Variants in CSRNP3 observed in about 807,000 individuals in gnomAD.
CSRNP3 encodes cysteine/serine-rich nuclear protein 3.
In CSRNP3, 12 loss-of-function variants were observed where a neutral mutation model predicts 48.0. That is an observed-to-expected ratio of 0.25 (90% confidence interval 0.16 to 0.41). The LOEUF is 0.41. CSRNP3 is among the 10% of genes least tolerant of loss of function. The pLI is 1.00. For synonymous variants in CSRNP3, 263 were observed against 269.7 expected (o/e 0.98, Z 0.24); for missense variants, 580 against 724.4 (o/e 0.80, Z 2.29).
In CSRNP3 at chr2:165,680,223, T is replaced by C. The variant is rs1363848819; in HGVS notation, c.*470T>C. ...TTAATTGTTCCATGTGTATTTTATT[T>C]ATGGTAGTTTAGAAGACATGTTTTG... On this transcript the variant is annotated 3_prime_UTR_variant, in exon 7 of 7. Coordinates refer to ENST00000651982, the MANE Select transcript of CSRNP3 (RefSeq NM_001172173.2). 2 of 155,218 alleles carry C rather than the reference T, an allele frequency of 1.3e-5. No individual in the cohort carries two copies. Among genetic ancestry groups the C allele is most frequent in the African/African-American group, 4.8e-5 (2 of 41,476 alleles). 9.6% of individuals were successfully genotyped at this position (155,218 alleles called of 1,614,324 possible).
chr2:165,570,940 A>G (rs1002696791), intron 3 of CSRNP3, among the ~76,000 whole-genome samples: 1 of 151,972 alleles, frequency 6.6e-6, no homozygotes, highest in Admixed American at 6.6e-5. Context: ...TACAAATAAT[A>G]TCATAAAGAA....
chr2:165,587,890 C>T (rs563833135), intron 3 of CSRNP3, among the ~76,000 whole-genome samples: 5 of 152,180 alleles, frequency 3.3e-5, no homozygotes, highest in East Asian at 3.9e-4. Context: ...CTTCATGGAG[C>T]TTTCAGTCTA....
chr2:165,679,820 G>A lies in CSRNP3; in HGVS notation c.*67G>A. Reference sequence around the variant, plus strand: ...GCACTGTATTTAATTGGATTTCCTGGGCTCATCATTGTTTAAACTGAAGAC... The same window carrying A: ...GCACTGTATTTAATTGGATTTCCTGAGCTCATCATTGTTTAAACTGAAGAC... On this transcript the variant is annotated 3_prime_UTR_variant, in exon 7 of 7. Coordinates refer to ENST00000651982, the MANE Select transcript of CSRNP3 (RefSeq NM_001172173.2). 1 of 1,533,714 alleles carries A rather than the reference G, an allele frequency of 6.5e-7. No individual in the cohort carries two copies.
At chr2:165,578,485 A>C (rs1406577894) in intron 3 of CSRNP3, among the ~76,000 whole-genome samples, 3 of 152,088 alleles carry the variant, frequency 2.0e-5, no homozygotes. Flanking sequence ...GTTCTCATAT[A>C]CTGTGAAGAA....
intron 3 of CSRNP3, among the ~76,000 whole-genome samples, chr2:165,525,329 G>T (rs1684717547): frequency 6.6e-6 from 1 of 152,108 alleles, no homozygotes. Context: ...GTAGGAAATA[G>T]GTGATTTGCA....
rs115667194 is a variant in CSRNP3, at chr2:165,470,956, T to C, written c.-283+1216T>C. On this transcript the variant is annotated intron_variant, in intron 1 of 6. Coordinates refer to ENST00000651982, the MANE Select transcript of CSRNP3 (RefSeq NM_001172173.2). ...GGAATGACTATATAATTTCTAAATA[T>C]TTTTTGCTATTGTTTTTCTTTTTGT... Among the ~76,000 whole-genome samples, 8 of 151,998 alleles carry C rather than the reference T, an allele frequency of 5.3e-5. No individual in the cohort carries two copies. The South Asian group carries it at 1.7e-3, about 31-fold the overall frequency.
intron 5 of CSRNP3, among the ~76,000 whole-genome samples, chr2:165,666,387 GAGAGAA>G (rs1687202974): frequency 8.4e-6 from 1 of 119,398 alleles, no homozygotes; most frequent in Non-Finnish European, 1.9e-5. Flanking sequence ...GAAAGAGAGA[GAGAGAA>G]AGGAAGGAAG....
At chr2:165,502,211 T>A (rs1684367825) in intron 2 of CSRNP3, among the ~76,000 whole-genome samples, 1 of 151,954 alleles carries the variant, frequency 6.6e-6, no homozygotes, top group Admixed American at 6.6e-5. Context: ...AACAAATGTA[T>A]CTACTGACAT....
At chr2:165,666,697 G>A (rs1403936186) in intron 5 of CSRNP3, among the ~76,000 whole-genome samples, 4 of 128,248 alleles carry the variant, frequency 3.1e-5, no homozygotes, top group East Asian at 2.5e-4. Flanking sequence ...GGTGTTAAGA[G>A]AGAGAGAAAG....
At chr2:165,525,062 A>G (rs1684715043) in intron 3 of CSRNP3, among the ~76,000 whole-genome samples, 2 of 152,284 alleles carry the variant, frequency 1.3e-5, no homozygotes, top group Non-Finnish European at 2.9e-5. Context: ...GAATATTCTC[A>G]TTGCTCCATG....
At chr2:165,621,059 T>A (rs1686330583) in intron 4 of CSRNP3, among the ~76,000 whole-genome samples, 1 of 152,134 alleles carries the variant, frequency 6.6e-6, no homozygotes, top group African/African-American at 2.4e-5. Flanking sequence ...TTATCTTATT[T>A]AATTTCTTTC....
At chr2:165,529,662 T>C (rs1262786646) in intron 3 of CSRNP3, among the ~76,000 whole-genome samples, 1 of 152,230 alleles carries the variant, frequency 6.6e-6, no homozygotes, top group Non-Finnish European at 1.5e-5. Flanking sequence ...TCTCTTTTTT[T>C]CAAACCGGCG....
chr2:165,659,491 T>G (rs1394248911), intron 5 of CSRNP3, among the ~76,000 whole-genome samples: 2 of 152,038 alleles, frequency 1.3e-5, no homozygotes, highest in African/African-American at 4.8e-5. Flanking sequence ...AGTGAGATCA[T>G]TTTTGGACAT....
chr2:165,491,917 A>G (rs1188038704), intron 1 of CSRNP3, among the ~76,000 whole-genome samples: 9 of 146,762 alleles, frequency 6.1e-5, no homozygotes, highest in African/African-American at 2.2e-4. Flanking sequence ...AACCTGCACA[A>G]TGTACACATG....
chr2:165,582,396 A>C (rs1483243741), intron 3 of CSRNP3, among the ~76,000 whole-genome samples: 13 of 152,204 alleles, frequency 8.5e-5, no homozygotes, highest in Admixed American at 3.3e-4. Context: ...CATTCCTGTC[A>C]AGTATTCCTC....
intron 1 of CSRNP3, among the ~76,000 whole-genome samples, chr2:165,486,295 C>T (rs868432819): frequency 6.6e-6 from 1 of 152,144 alleles, no homozygotes; most frequent in Non-Finnish European, 1.5e-5. Context: ...GAGGGTCCTA[C>T]GCCCACAGAA....
chr2:165,586,759 C>A (rs1685640234), intron 3 of CSRNP3, among the ~76,000 whole-genome samples: 1 of 152,122 alleles, frequency 6.6e-6, no homozygotes, highest in South Asian at 2.1e-4. Flanking sequence ...AATGAGTTAT[C>A]TATGAAAGCC....
intron 3 of CSRNP3, among the ~76,000 whole-genome samples, chr2:165,570,974 A>C (rs908517437): frequency 9.9e-5 from 15 of 152,098 alleles, no homozygotes; most frequent in African/African-American, 3.6e-4. Context: ...TTGTATTTAA[A>C]AGCTAAGCTA....
chr2:165,647,922 A>C (rs1416613580), intron 4 of CSRNP3, among the ~76,000 whole-genome samples: 1 of 152,132 alleles, frequency 6.6e-6, no homozygotes, highest in African/African-American at 2.4e-5. Context: ...TCAACTTACA[A>C]TGGGTTTCTT....
Sources: allele counts gnomAD v4.1 joint callset (sites outside exome capture counted in the v4.1 genomes callset), GRCh38; gene constraint gnomAD v4.1.1; transcripts MANE v1.5; gene names NCBI Gene and HGNC (gene_info 2026-07-23, HGNC 2026-07-21).